Variants in MAPK10 observed in about 807,000 individuals in gnomAD.
MAPK10 encodes the protein JNK3 alpha protein kinase.
A neutral mutation model predicts 59.3 loss-of-function variants in MAPK10; 25 were observed. That is an observed-to-expected ratio of 0.42 (90% CI 0.31 to 0.59). The LOEUF (loss-of-function observed/expected upper bound fraction) is 0.59, where lower values mean the gene tolerates loss of function less well. Among genes scored for constraint, MAPK10 ranks in the 20% least tolerant of loss-of-function variants. MAPK10 has a pLI of 0.15. For synonymous variants in MAPK10, 190 were observed against 200.5 expected, an observed-to-expected ratio of 0.95 and a Z score of 0.44; for missense variants, 351 against 568.9, an observed-to-expected ratio of 0.62 and a Z score of 3.90.
intron 4 of MAPK10, among the ~76,000 whole-genome samples, chr4:86,144,619 C>G (rs1465895116): frequency 6.6e-6 from 1 of 152,140 alleles, no homozygotes; most frequent in African/African-American, 2.4e-5. Context: ...TTCCTTCTCT[C>G]TCTCTTCTTA....
At chr4:86,479,810 A>C (rs1306199892) in intron 1 of MAPK10, among the ~76,000 whole-genome samples, 4 of 152,070 alleles carry the variant, frequency 2.6e-5, no homozygotes, top group Non-Finnish European at 5.9e-5. Flanking sequence ...ACAAAATTGT[A>C]TCCAGGCCAT....
chr4:86,381,150 A>C (rs890194896), intron 1 of MAPK10, among the ~76,000 whole-genome samples: 3 of 152,190 alleles, frequency 2.0e-5, no homozygotes, highest in African/African-American at 4.8e-5. Flanking sequence ...AGGATCTGGC[A>C]GTACTGGGGC....
At chr4:86,197,916 A>C (rs904973122) in intron 2 of MAPK10, among the ~76,000 whole-genome samples, 1 of 152,168 alleles carries the variant, frequency 6.6e-6, no homozygotes, top group Non-Finnish European at 1.5e-5. Context: ...ACTATGAATT[A>C]ATAGAATACA....
rs745779201 is a variant in MAPK10, at chr4:86,159,461, C to T, written c.73G>A (p.Asp25Asn). 3.7e-6 allele frequency: 6 copies of T among 1,606,344 alleles called. No individual in the cohort carries two copies. Among genetic ancestry groups the T allele is most frequent in the East Asian group, 4.5e-5 (2 of 44,528 alleles). Residue 25 changes from aspartate (D) to asparagine (N), a missense_variant, in exon 4 of 14, where the codon GAT becomes AAT. Transcript: ENST00000641462. The stretch of plus-strand genomic sequence containing the variant: ...ATATATGACACATCCACTTGTTTAT[C>T]GAATCCCTGTCAAAAAGAAGAACAG... ...DVKIAFCQGF[D>N]KQVDVSYIAK...
chr4:86,083,078 C>A (rs773882119), intron 9 of MAPK10, among the ~76,000 whole-genome samples: 15 of 152,070 alleles, frequency 9.9e-5, no homozygotes, highest in Non-Finnish European at 1.3e-4. Flanking sequence ...GATATAATAT[C>A]TTTTTAACAT....
intron 2 of MAPK10, among the ~76,000 whole-genome samples, chr4:86,347,020 G>A (rs1028403417): frequency 6.6e-6 from 1 of 152,104 alleles, no homozygotes; most frequent in Non-Finnish European, 1.5e-5. Flanking sequence ...GTGACTTTCT[G>A]AAAGCAGTAC....
chr4:86,303,686 T>C lies in MAPK10; in HGVS notation c.-7+50844A>G, dbSNP rs187190315. Among the ~76,000 whole-genome samples, 96 of 152,326 alleles carry C rather than the reference T, an allele frequency of 6.3e-4. 2 individuals carry two copies. Among genetic ancestry groups the C allele is most frequent in the Admixed American group, 2.2e-3 (33 of 15,300 alleles). On this transcript the variant is annotated intron_variant, in intron 2 of 13. Transcript: ENST00000641462. ...TTATATGTGGTAGTTAGAAAAGGCA[T>C]GTACTAAAAAATAATTTTCAAAAAG...
chr4:86,047,143 T>C (rs2042642181), intron 11 of MAPK10, among the ~76,000 whole-genome samples: 1 of 152,108 alleles, frequency 6.6e-6, no homozygotes, highest in Non-Finnish European at 1.5e-5. Flanking sequence ...GGATCCCCTC[T>C]GCTACATATG....
At chr4:86,200,167 A>AT (rs2082291846) in intron 2 of MAPK10, among the ~76,000 whole-genome samples, 1 of 151,992 alleles carries the variant, frequency 6.6e-6, no homozygotes, top group Non-Finnish European at 1.5e-5. Context: ...TAATGTTTTA[A>AT]TTTTTTAACA....
At chr4:86,359,326 G>GTGTGTGTGTA (rs1554248726) in intron 1 of MAPK10, among the ~76,000 whole-genome samples, 7 of 142,920 alleles carry the variant, frequency 4.9e-5, no homozygotes, top group African/African-American at 1.8e-4. Flanking sequence ...GTGTGTGTGT[G>GTGTGTGTGTA]TGTGTTTCTC....
At chr4:86,208,825 T>C (rs1052700154) in intron 2 of MAPK10, among the ~76,000 whole-genome samples, 10 of 152,086 alleles carry the variant, frequency 6.6e-5, no homozygotes, top group African/African-American at 2.2e-4. Context: ...ATTGTTTAGA[T>C]AGACATTGCA....
intron 2 of MAPK10, chr4:86,322,095 CAT>C (rs1391594943): frequency 1.3e-5 from 2 of 152,270 alleles, no homozygotes; most frequent in African/African-American, 4.8e-5. Flanking sequence ...TCCATTAAAT[CAT>C]ATGTCTTAAT....
chr4:86,240,117 T>C (rs1175143529), intron 2 of MAPK10, among the ~76,000 whole-genome samples: 1 of 152,220 alleles, frequency 6.6e-6, no homozygotes, highest in Non-Finnish European at 1.5e-5. Flanking sequence ...CCAGGAGTCA[T>C]TCCGGAGCAG....
intron 1 of MAPK10, among the ~76,000 whole-genome samples, chr4:86,441,831 C>T (rs544917707): frequency 7.9e-5 from 12 of 152,316 alleles, no homozygotes; most frequent in African/African-American, 2.9e-4. Flanking sequence ...ATGGAAGCCT[C>T]TCCTGCTGCT....
chr4:86,429,053 A>T (rs900951576), intron 1 of MAPK10, among the ~76,000 whole-genome samples: 1 of 152,172 alleles, frequency 6.6e-6, no homozygotes, highest in African/African-American at 2.4e-5. Context: ...TTATCATTGA[A>T]CAAGGTTTTA....
At chr4:86,173,635 C>A (rs1272772478) in intron 3 of MAPK10, among the ~76,000 whole-genome samples, 3 of 152,232 alleles carry the variant, frequency 2.0e-5, no homozygotes, top group Non-Finnish European at 4.4e-5. Context: ...CAAGTGGGAT[C>A]TAATTAAACT....
chr4:86,149,638 T>C (rs2065909662), intron 4 of MAPK10, among the ~76,000 whole-genome samples: 1 of 152,222 alleles, frequency 6.6e-6, no homozygotes, highest in South Asian at 2.1e-4. Flanking sequence ...AACCAACCTC[T>C]GAGAACCTGG....
chr4:86,486,390 C>T (rs1308847083), intron 1 of MAPK10, among the ~76,000 whole-genome samples: 3 of 152,138 alleles, frequency 2.0e-5, no homozygotes, highest in African/African-American at 7.2e-5. Context: ...AAAAGAGAAG[C>T]AATGCAAGTA....
intron 2 of MAPK10, among the ~76,000 whole-genome samples, chr4:86,313,432 G>C (rs976221804): frequency 6.6e-6 from 1 of 151,706 alleles, no homozygotes; most frequent in African/African-American, 2.4e-5. Flanking sequence ...AAAAGCCTCT[G>C]TTAAGAAAGT....
Sources: allele counts gnomAD v4.1 joint callset (sites outside exome capture counted in the v4.1 genomes callset), GRCh38; gene constraint gnomAD v4.1.1; transcripts MANE v1.5; gene names NCBI Gene and HGNC (gene_info 2026-07-23, HGNC 2026-07-21).